Variants in CNGB3 observed in about 807,000 individuals in gnomAD.
CNGB3 encodes the protein cyclic nucleotide gated channel subunit beta 3.
In CNGB3, 86 loss-of-function variants were observed where a neutral mutation model predicts 92.8. The ratio of observed to expected loss-of-function variants is 0.93; its 90% CI spans 0.78 to 1.11. The LOEUF (loss-of-function observed/expected upper bound fraction) is 1.11. Among genes scored for constraint, CNGB3 ranks in the 50% least tolerant of loss-of-function variants. The probability of loss-of-function intolerance (pLI) is 0.00; values close to 1 mark genes in which losing one functional copy is unlikely to be tolerated. For missense variants in CNGB3, 1,026 were observed against 956.8 expected (o/e 1.07, Z -0.95); for synonymous variants, 333 against 332.7 (o/e 1.00, Z -0.01).
At position 86,626,019 on chromosome 8, in the gene CNGB3, C is replaced by G. The variant is rs762370063; in HGVS notation, c.1542G>C (p.Val514=). The change falls in exon 13 of 18, where the codon GTG becomes GTC. Residue 514 remains valine, a synonymous_variant. Coordinates refer to ENST00000320005, the MANE Select transcript of CNGB3 (RefSeq NM_019098.5). ...CGACTTTGCTGATGATGCTGAAGTT[C>G]ACATCAATGGCGAGGGCTAACTGGA... ...TTVQLALAID[V]NFSIISKVDL... 6.2e-7 allele frequency: 1 copy of G among 1,613,798 alleles called. No individual in the cohort carries two copies. The highest frequency in any genetic ancestry group is 8.5e-7 in the Non-Finnish European group (1 of 1,179,872).
intron 2 of CNGB3, 32 bp downstream of exon 2, chr8:86,739,623 T>C (rs764478487): frequency 1.6e-6 from 2 of 1,285,864 alleles, no homozygotes; most frequent in Admixed American, 2.2e-5. Context: ...CTTTTTAGTT[T>C]TTTTTTTTTT....
chr8:86,657,991 C>A, intron 6 of CNGB3: 2 of 546,698 alleles, frequency 3.7e-6, no homozygotes, highest in Non-Finnish European at 7.2e-6. Flanking sequence ...GATGCAGCGA[C>A]GTTCCAGTTT....
intron 6 of CNGB3, chr8:86,659,578 T>C (rs1823590600): frequency 1.8e-6 from 1 of 563,744 alleles, no homozygotes; most frequent in South Asian, 1.6e-5. Context: ...TCTTCTGCTA[T>C]GTAGAGACAG....
At chr8:86,680,381 A>T (rs1010849544) in intron 3 of CNGB3, among the ~76,000 whole-genome samples, 1 of 152,220 alleles carries the variant, frequency 6.6e-6, no homozygotes, top group Non-Finnish European at 1.5e-5. Flanking sequence ...AAAAACCATC[A>T]TTCAAAACAG....
intron 3 of CNGB3, among the ~76,000 whole-genome samples, chr8:86,694,948 C>T (rs1398760143): frequency 2.0e-5 from 3 of 152,302 alleles, no homozygotes; most frequent in East Asian, 1.9e-4. Flanking sequence ...CTAAGGCAGG[C>T]GGCTGGGAGG....
intron 15 of CNGB3, among the ~76,000 whole-genome samples, chr8:86,588,090 CTT>C (rs1350181380): frequency 1.0e-4 from 14 of 139,596 alleles, no homozygotes; most frequent in African/African-American, 3.6e-4. Context: ...ATTTTATTCT[CTT>C]TGAAGCAATT....
chr8:86,692,840 TA>T (rs1399175603), intron 3 of CNGB3, among the ~76,000 whole-genome samples: 6 of 152,182 alleles, frequency 3.9e-5, no homozygotes, highest in Non-Finnish European at 2.9e-5. Context: ...GTTTTTGCTT[TA>T]AGGATGTTCC....
chr8:86,629,650 C>T (rs1822922159), intron 11 of CNGB3, among the ~76,000 whole-genome samples: 1 of 152,114 alleles, frequency 6.6e-6, no homozygotes, highest in Non-Finnish European at 1.5e-5. Flanking sequence ...GTTGTTTAGA[C>T]AGATAAAATC....
At chr8:86,680,856 G>T (rs187320519) in intron 3 of CNGB3, among the ~76,000 whole-genome samples, 15 of 152,130 alleles carry the variant, frequency 9.9e-5, no homozygotes, top group Admixed American at 9.2e-4. Context: ...CAATAAATGG[G>T]GGACATTGTC....
Position 86,739,637 on chromosome 8 carries a change from T to G in CNGB3, c.211+18A>C. On this transcript the variant is annotated intron_variant, in intron 2 of 17. Transcript: ENST00000320005. Reference sequence around the variant, plus strand: ...ACTTTTTAGTTTTTTTTTTTTTTTTTTCAGACTGCATTCTGACCTTGTATG... The same window carrying G: ...ACTTTTTAGTTTTTTTTTTTTTTTTGTCAGACTGCATTCTGACCTTGTATG... 2 of 1,603,068 alleles carry G rather than the reference T, an allele frequency of 1.2e-6. No individual in the cohort carries two copies. Among genetic ancestry groups the G allele is most frequent in the Non-Finnish European group, 1.7e-6 (2 of 1,178,440 alleles).
intron 15 of CNGB3, among the ~76,000 whole-genome samples, chr8:86,594,794 C>T (rs1303474795): frequency 3.9e-5 from 6 of 152,166 alleles, no homozygotes; most frequent in South Asian, 2.1e-4. Flanking sequence ...CTGCAACCTC[C>T]GACTCCCTGG....
Position 86,694,178 on chromosome 8 carries a change from AC to A in CNGB3, c.339-23081del, listed in dbSNP as rs1237773605. 6.7e-3 allele frequency among the ~76,000 whole-genome samples: 421 copies of A among 62,600 alleles called. 7 individuals carry two copies. Among genetic ancestry groups the A allele is most frequent in the African/African-American group, 0.022 (350 of 15,892 alleles). The allele number at this position is 62,600 out of a possible 152,430, so 41.1% of individuals were successfully genotyped here. A position where few individuals can be genotyped will look rare whatever the true frequency, so the allele number is the denominator to read the frequency against. On this transcript the variant is annotated intron_variant, in intron 3 of 17. Coordinates refer to ENST00000320005, the MANE Select transcript of CNGB3 (RefSeq NM_019098.5). ...GGGCGGCTGGCCGGGCGGGGGGCTG[AC>A]CCCCCCCACCTCCCTCCCGGACGGG...
At chr8:86,706,566 G>A (rs978643339) in intron 3 of CNGB3, among the ~76,000 whole-genome samples, 1 of 152,182 alleles carries the variant, frequency 6.6e-6, no homozygotes, top group Admixed American at 6.5e-5. Context: ...TCTCCAATTA[G>A]ATTTGCCCTG....
chr8:86,660,391 C>A (rs1027810739), intron 6 of CNGB3: 4 of 446,978 alleles, frequency 8.9e-6, no homozygotes, highest in Non-Finnish European at 1.3e-5. Context: ...GCAACTGATC[C>A]AGAGGAGAGT....
intron 2 of CNGB3, among the ~76,000 whole-genome samples, chr8:86,735,276 G>A (rs1825231031): frequency 6.6e-6 from 1 of 150,620 alleles, no homozygotes; most frequent in African/African-American, 2.4e-5. Flanking sequence ...CCGAGTAGCT[G>A]GGACTACAGG....
At chr8:86,593,491 A>T (rs1485527238) in intron 15 of CNGB3, among the ~76,000 whole-genome samples, 1 of 152,200 alleles carries the variant, frequency 6.6e-6, no homozygotes, top group Non-Finnish European at 1.5e-5. Flanking sequence ...TTTAAAAGTA[A>T]ATCCCTTTAT....
intron 3 of CNGB3, among the ~76,000 whole-genome samples, chr8:86,708,271 A>G (rs1416452929): frequency 3.9e-5 from 6 of 152,152 alleles, no homozygotes; most frequent in Non-Finnish European, 8.8e-5. Flanking sequence ...AGGAGGAGTC[A>G]TTAATGAACG....
chr8:86,626,718 G>C (rs1325876881), intron 12 of CNGB3, among the ~76,000 whole-genome samples: 1 of 152,010 alleles, frequency 6.6e-6, no homozygotes, highest in African/African-American at 2.4e-5. Flanking sequence ...TCAAATTATT[G>C]TTATTTACTT....
chr8:86,608,209 C>A (rs1822448670), intron 14 of CNGB3, among the ~76,000 whole-genome samples: 1 of 152,162 alleles, frequency 6.6e-6, no homozygotes, highest in Admixed American at 6.5e-5. Context: ...TTATAATAAT[C>A]CTCGCTCTAT....
Sources: allele counts gnomAD v4.1 joint callset (sites outside exome capture counted in the v4.1 genomes callset), GRCh38; gene constraint gnomAD v4.1.1; transcripts MANE v1.5; gene names NCBI Gene and HGNC (gene_info 2026-07-23, HGNC 2026-07-21).